Variants in RNGTT observed in about 807,000 individuals in gnomAD.
RNGTT encodes RNA guanylyltransferase and 5'-phosphatase.
In RNGTT, 33 loss-of-function variants were observed where a neutral mutation model predicts 79.3. The observed-to-expected ratio is 0.42, with a 90% CI of 0.32 to 0.56. The LOEUF (loss-of-function observed/expected upper bound fraction) is 0.56. Ranked by LOEUF, RNGTT falls within the 20% of genes least tolerant of loss-of-function variation. The pLI is 0.17. For missense variants in RNGTT, 497 were observed against 739.1 expected, an observed-to-expected ratio of 0.67 and a Z score of 3.80; for synonymous variants, 222 against 235.9, an observed-to-expected ratio of 0.94 and a Z score of 0.54.
At chr6:88,843,769 G>A (rs941622431) in intron 11 of RNGTT, among the ~76,000 whole-genome samples, 13 of 151,010 alleles carry the variant, frequency 8.6e-5, no homozygotes, top group African/African-American at 1.7e-4. Context: ...TATTGGCCAG[G>A]CTGGTCTTGA....
chr6:88,901,728 C>T (rs544981110), intron 6 of RNGTT, among the ~76,000 whole-genome samples: 70 of 151,900 alleles, frequency 4.6e-4, no homozygotes, highest in African/African-American at 1.7e-3. Context: ...AGGCTGGTCT[C>T]GAACTCCTGA....
At chr6:88,748,765 GA>G (rs571277161) in intron 13 of RNGTT, among the ~76,000 whole-genome samples, 3 of 150,152 alleles carry the variant, frequency 2.0e-5, no homozygotes, top group African/African-American at 4.9e-5. Context: ...AAGCAAAGAA[GA>G]AAAAAAATGG....
intron 1 of RNGTT, among the ~76,000 whole-genome samples, chr6:88,945,807 C>T (rs1229535829): frequency 5.3e-5 from 8 of 152,178 alleles, no homozygotes; most frequent in Non-Finnish European, 1.2e-4. Context: ...GACTACCAAG[C>T]CTGGCCATAA....
chr6:88,872,703 A>G (rs1782395294), intron 8 of RNGTT, among the ~76,000 whole-genome samples: 1 of 152,184 alleles, frequency 6.6e-6, no homozygotes, highest in Non-Finnish European at 1.5e-5. Context: ...GGCTATAACA[A>G]TGAAGATAAT....
At chr6:88,668,848 T>G (rs1436235061) in intron 14 of RNGTT, among the ~76,000 whole-genome samples, 1 of 152,100 alleles carries the variant, frequency 6.6e-6, no homozygotes, top group Non-Finnish European at 1.5e-5. Flanking sequence ...GGATGGGATG[T>G]GGTTCTCTCA....
chr6:88,725,378 T>C (rs189331796), intron 13 of RNGTT, among the ~76,000 whole-genome samples: 2 of 152,332 alleles, frequency 1.3e-5, no homozygotes, highest in Admixed American at 1.3e-4. Context: ...AAGTATTTCC[T>C]TGGTGGTTGG....
At chr6:88,868,340 G>C (rs897239720) in intron 8 of RNGTT, among the ~76,000 whole-genome samples, 1 of 152,164 alleles carries the variant, frequency 6.6e-6, no homozygotes, top group African/African-American at 2.4e-5. Flanking sequence ...TTATGGCTTA[G>C]CAATCATTAA....
chr6:88,855,231 C>G (rs1248217763), intron 8 of RNGTT, among the ~76,000 whole-genome samples: 1 of 152,138 alleles, frequency 6.6e-6, no homozygotes, highest in East Asian at 1.9e-4. Flanking sequence ...GATTAGGGGA[C>G]AGAAGAAATA....
At chr6:88,959,564 A>G (rs915651085) in intron 1 of RNGTT, among the ~76,000 whole-genome samples, 5 of 152,066 alleles carry the variant, frequency 3.3e-5, no homozygotes, top group African/African-American at 9.7e-5. Context: ...TCCCTTCTTA[A>G]TATCTCTCAA....
At chr6:88,719,816 T>C (rs1369486848) in intron 13 of RNGTT, among the ~76,000 whole-genome samples, 1 of 152,202 alleles carries the variant, frequency 6.6e-6, no homozygotes, top group Non-Finnish European at 1.5e-5. Context: ...CATATTATCA[T>C]AAAAATAGGT....
chr6:88,678,935 T>C (rs1774984864), intron 13 of RNGTT, among the ~76,000 whole-genome samples: 1 of 152,136 alleles, frequency 6.6e-6, no homozygotes, highest in African/African-American at 2.4e-5. Flanking sequence ...GGGATCGTTT[T>C]TCAATAAAAG....
At position 88,776,870 on chromosome 6, in the gene RNGTT, T is replaced by G. The variant is rs111418502; in HGVS notation, c.1339-6996A>C. On this transcript the variant is annotated intron_variant, in intron 12 of 15. Coordinates refer to ENST00000369485, the MANE Select transcript of RNGTT (RefSeq NM_003800.5). ...TTTTAGTTTCATGTAGTCCCAGTTG[T>G]GTATTATTGCTGTTGTTGGCTGAGC... Among the ~76,000 whole-genome samples, 576 of 152,264 alleles carry G rather than the reference T, an allele frequency of 3.8e-3. 1 individual carries two copies. The highest frequency in any genetic ancestry group is 0.012 in the African/African-American group (514 of 41,550).
At chr6:88,734,411 G>A (rs1777215965) in intron 13 of RNGTT, among the ~76,000 whole-genome samples, 1 of 152,018 alleles carries the variant, frequency 6.6e-6, no homozygotes, top group African/African-American at 2.4e-5. Flanking sequence ...TTTTAAAAAT[G>A]AAAAGAACAA....
chr6:88,906,289 C>G, intron 5 of RNGTT, 76 bp downstream of exon 5: 1 of 928,146 alleles, frequency 1.1e-6, no homozygotes, highest in Non-Finnish European at 1.6e-6. Context: ...CTTGACAATA[C>G]AAAATTCTGC....
chr6:88,946,787 T>C (rs373414703), intron 1 of RNGTT, among the ~76,000 whole-genome samples: 6,572 of 146,768 alleles, frequency 0.045, 195 homozygotes, highest in East Asian at 0.095. Context: ...GCCGAATGCC[T>C]GCGATTGCAG....
chr6:88,749,443 T>C (rs371931545), intron 13 of RNGTT, among the ~76,000 whole-genome samples: 55 of 151,484 alleles, frequency 3.6e-4, no homozygotes, highest in African/African-American at 1.3e-3. Context: ...ACTCCAACAT[T>C]TCAAAGTATG....
chr6:88,756,337 A>G (rs9353601), intron 13 of RNGTT, among the ~76,000 whole-genome samples: 21,031 of 151,678 alleles, frequency 0.14, 1,591 homozygotes, highest in Middle Eastern at 0.24. Flanking sequence ...GCCAGGCGTG[A>G]CGGTGCGCGC....
intron 14 of RNGTT, 52 bp downstream of exon 14, chr6:88,678,301 T>C: frequency 6.3e-7 from 1 of 1,577,538 alleles, no homozygotes; most frequent in Non-Finnish European, 8.6e-7. Context: ...TTTTGATGGA[T>C]TCTAGATAAG....
At chr6:88,877,065 G>T (rs77385410) in intron 8 of RNGTT, among the ~76,000 whole-genome samples, 2,861 of 152,150 alleles carry the variant, frequency 0.019, 84 homozygotes, top group African/African-American at 0.065. Context: ...CTAACCAATG[G>T]GTATTTCAAA....
Sources: gnomAD v4.1 joint callset for allele counts (sites outside exome capture counted in the v4.1 genomes callset) on GRCh38, gnomAD v4.1.1 for gene constraint, MANE v1.5 for transcripts, NCBI Gene and HGNC (gene_info 2026-07-23, HGNC 2026-07-21) for gene names.